Variants in PFKL observed in about 807,000 individuals in gnomAD.
PFKL encodes the protein ATP-dependent 6-phosphofructokinase, liver type.
PFKL carries 74 observed loss-of-function variants against 92.1 expected under a neutral mutation model. That is an observed-to-expected ratio of 0.80 (90% CI 0.67 to 0.97). The LOEUF is 0.97. PFKL is among the 50% of genes least tolerant of loss of function. The pLI, the probability that PFKL is intolerant of heterozygous loss-of-function variation, is 0.00. For missense variants in PFKL, 1,028 were observed against 1,116.6 expected, an observed-to-expected ratio of 0.92 and a Z score of 1.13; for synonymous variants, 494 against 456.4, an observed-to-expected ratio of 1.08 and a Z score of -1.05.
At chr21:44,324,360 T>C in intron 16 of PFKL, 131 bp from the exon 17 acceptor site, 1 of 913,716 alleles carries the variant, frequency 1.1e-6, no homozygotes, top group South Asian at 1.6e-5. Flanking sequence ...AGCCTGGTGC[T>C]GCTGGCTGTC....
intron 13 of PFKL, 44 bp downstream of exon 13, chr21:44,321,919 T>C (rs1340271399): frequency 1.3e-6 from 2 of 1,512,748 alleles, no homozygotes; most frequent in East Asian, 2.3e-5. Flanking sequence ...GGGCCTTCTG[T>C]GTGCACACTT....
At chr21:44,301,477 T>A (rs7277792) in intron 1 of PFKL, among the ~76,000 whole-genome samples, 52,112 of 152,096 alleles carry the variant, frequency 0.34, 10,022 homozygotes, top group African/African-American at 0.52. Flanking sequence ...AAGGATGTCT[T>A]TTTGCACAAT....
chr21:44,324,357 T>C lies in PFKL; in HGVS notation c.1651-134T>C, dbSNP rs1037118862. 10 of 882,970 alleles carry C rather than the reference T, an allele frequency of 1.1e-5. No homozygotes were observed. The African/African-American group carries it at 1.5e-4, about 13-fold the overall frequency. The allele number at this position is 882,970 out of a possible 1,614,324, so 54.7% of individuals were successfully genotyped here. On this transcript the variant is annotated intron_variant, in intron 16 of 21. Coordinates refer to ENST00000349048, the MANE Select transcript of PFKL (RefSeq NM_002626.6). ...AGGTGGGAGGTGGGCCCAAGCCTGG[T>C]GCTGCTGGCTGTCTGGGTGCGTCAG...
In PFKL at chr21:44,313,003, G is replaced by C. The variant is rs1465747037; in HGVS notation, c.453G>C (p.Arg151=). 5.6e-6 allele frequency: 9 copies of C among 1,612,922 alleles called. No individual in the cohort carries two copies. Among genetic ancestry groups the C allele is most frequent in the Middle Eastern group, 1.6e-4 (1 of 6,082 alleles). ...AEGKISETTA[R]TYSHLNIAGL... ...GTAAGATCTCAGAGACTACAGCCCGGACCTACTCGCACCTGAACATCGCGG... is the reference window on the plus strand; with the variant it reads ...GTAAGATCTCAGAGACTACAGCCCGCACCTACTCGCACCTGAACATCGCGG... The change falls in exon 5 of 22, where the codon CGG becomes CGC. Residue 151 remains arginine, a synonymous_variant. Coordinates refer to ENST00000349048, the MANE Select transcript of PFKL (RefSeq NM_002626.6).
chr21:44,325,532 C>A (rs1437423804), intron 19 of PFKL: 9 of 555,632 alleles, frequency 1.6e-5, no homozygotes, highest in South Asian at 1.0e-4. Flanking sequence ...AGGCCTCCCG[C>A]GGCCACTTCC....
In PFKL at chr21:44,324,934, TC is replaced by T. The variant is rs1333990858; in HGVS notation, c.1877+20del. The T allele has an allele frequency of 6.3e-7, 1 of 1,593,716 alleles. No individual in the cohort carries two copies. Among genetic ancestry groups the T allele is most frequent in the Non-Finnish European group, 8.6e-7 (1 of 1,169,408 alleles). On this transcript the variant is annotated intron_variant, in intron 18 of 21. Coordinates refer to ENST00000349048, the MANE Select transcript of PFKL (RefSeq NM_002626.6). ...GGTGCTGCGGTGAGGCTGCCGTGGG[TC>T]CCTGGCCACAGCTGCGCGTCCAACT...
At chr21:44,308,985 C>T (rs2041035673) in intron 2 of PFKL, among the ~76,000 whole-genome samples, 2 of 152,266 alleles carry the variant, frequency 1.3e-5, no homozygotes, top group African/African-American at 4.8e-5. Context: ...CATGGAAACT[C>T]AGGGAGGGGA....
At position 44,304,365 on chromosome 21, in the gene PFKL, G is replaced by A. The variant is rs563720350; in HGVS notation, c.86-2316G>A. The A allele has an allele frequency of 4.1e-4, 524 of 1,282,288 alleles. 6 individuals are homozygous for A. The South Asian group carries it at 5.0e-3, about 12-fold the overall frequency. 79.4% of individuals were successfully genotyped at this position (1,282,288 alleles called of 1,614,324 possible). A position where few individuals can be genotyped will look rare whatever the true frequency, so the allele number is the denominator to read the frequency against. ...GGCACATTGACTCCGCCTGGAGCTGGGGAGACCAGAGAGGCCCTGTGGTTG... is the reference window on the plus strand; with the variant it reads ...GGCACATTGACTCCGCCTGGAGCTGAGGAGACCAGAGAGGCCCTGTGGTTG... On this transcript the variant is annotated intron_variant, in intron 1 of 21. Coordinates refer to ENST00000349048, the MANE Select transcript of PFKL (RefSeq NM_002626.6).
intron 1 of PFKL, among the ~76,000 whole-genome samples, chr21:44,303,404 CTG>C (rs1307873191): frequency 6.1e-5 from 4 of 65,710 alleles, no homozygotes; most frequent in Admixed American, 3.5e-4. Context: ...GAACGAGACT[CTG>C]TCTCAAAAAA....
intron 10 of PFKL, 122 bp from the exon 11 acceptor site, chr21:44,319,229 C>T: frequency 2.5e-6 from 2 of 799,730 alleles, no homozygotes; most frequent in Middle Eastern, 2.4e-4. Context: ...GGCTGCCAGG[C>T]CTGGGCCAGG....
intron 9 of PFKL, among the ~76,000 whole-genome samples, chr21:44,316,925 C>T (rs2047225305): frequency 6.6e-6 from 1 of 152,204 alleles, no homozygotes; most frequent in Admixed American, 6.5e-5. Context: ...CCTCTGCCAG[C>T]CCAACGTGGC....
intron 14 of PFKL, 105 bp downstream of exon 14, chr21:44,322,308 C>T (rs751669288): frequency 2.2e-5 from 23 of 1,049,124 alleles, no homozygotes; most frequent in South Asian, 4.5e-5. Flanking sequence ...GCCCTGGGCT[C>T]GGCCCCTCTT....
intron 7 of PFKL, chr21:44,314,598 G>C (rs892983537): frequency 7.3e-5 from 11 of 149,842 alleles, no homozygotes; most frequent in East Asian, 4.0e-4. Flanking sequence ...GGATGGGGGG[G>C]TGCCTGGTGG....
intron 2 of PFKL, 85 bp from the exon 3 acceptor site, chr21:44,310,921 T>A: frequency 1.1e-6 from 1 of 907,420 alleles, no homozygotes; most frequent in Non-Finnish European, 1.8e-6. Context: ...TTTCTGCTGG[T>A]GGGGTGAAAA....
At chr21:44,313,779 A>T in intron 6 of PFKL, 97 bp downstream of exon 6, 1 of 1,394,382 alleles carries the variant, frequency 7.2e-7, no homozygotes, top group Non-Finnish European at 9.9e-7. Flanking sequence ...AGTTAATGCC[A>T]TGGGTGTGAG....
intron 7 of PFKL, chr21:44,315,755 C>T (rs558095106): frequency 1.5e-4 from 30 of 204,548 alleles, no homozygotes; most frequent in Non-Finnish European, 2.4e-4. Context: ...GCAGGGTGTC[C>T]GGGGAGCCCT....
At chr21:44,314,285 A>C (rs1228714502) in intron 7 of PFKL, 1 of 477,672 alleles carries the variant, frequency 2.1e-6, no homozygotes, top group Non-Finnish European at 3.8e-6. Flanking sequence ...CCCCGTGGTC[A>C]GTGTGGGGAG....
rs531368201 is a variant in PFKL, at chr21:44,302,105, G to C, written c.85+1915G>C. On this transcript the variant is annotated intron_variant, in intron 1 of 21. Coordinates refer to ENST00000349048, the MANE Select transcript of PFKL (RefSeq NM_002626.6). ...CTGAGCTGGGGGTTCCAACTGCTCA[G>C]CCTGGCCCCAGTGCCTGATATGGAG... Among the ~76,000 whole-genome samples, 52 of 152,360 alleles carry C rather than the reference G, an allele frequency of 3.4e-4. 2 individuals carry two copies. The highest frequency in any genetic ancestry group is 1.2e-3 in the African/African-American group (50 of 41,586).
rs1376698762 is a variant in PFKL at position 44,306,712 on chromosome 21, C to G, written c.117C>G (p.Arg39=). Residue 39 remains arginine, a synonymous_variant, in exon 2 of 22, where the codon CGC becomes CGG. Coordinates refer to ENST00000349048, the MANE Select transcript of PFKL (RefSeq NM_002626.6). The part of the protein sequence containing the change: ...GMNAAVRAVT[R]MGIYVGAKVF... The stretch of plus-strand genomic sequence containing the variant: ...ACGCTGCTGTCCGGGCTGTGACGCG[C>G]ATGGGCATTTATGTGGGTGCCAAAG... 1 of 1,613,930 alleles carries G rather than the reference C, an allele frequency of 6.2e-7. No individual in the cohort carries two copies. The highest frequency in any genetic ancestry group is 8.5e-7 in the Non-Finnish European group (1 of 1,179,948).
Sources: gnomAD v4.1 joint callset for allele counts (sites outside exome capture counted in the v4.1 genomes callset) on GRCh38, gnomAD v4.1.1 for gene constraint, MANE v1.5 for transcripts, NCBI Gene and HGNC (gene_info 2026-07-23, HGNC 2026-07-21) for gene names.